The following CDH8 variants were observed in gnomAD, a reference collection of about 807,000 sequenced individuals.
The protein encoded by CDH8 is cadherin 8.
CDH8 carries 17 observed loss-of-function variants against 68.1 expected under a neutral mutation model. The observed-to-expected ratio is 0.25, with a 90% CI of 0.17 to 0.37. CDH8 has a LOEUF of 0.37. Among genes scored for constraint, CDH8 ranks in the 10% least tolerant of loss-of-function variants. The pLI is 1.00. For synonymous variants in CDH8, 372 were observed against 365.1 expected, an observed-to-expected ratio of 1.02 and a Z score of -0.21; for missense variants, 763 against 999.3, an observed-to-expected ratio of 0.76 and a Z score of 3.19.
Position 61,914,192 on chromosome 16 carries a change from T to C in CDH8, c.253-12719A>G, listed in dbSNP as rs147075414. Reference sequence around the variant, plus strand: ...TAACAAATCTGCTGAAACTTTGATCTTGGACTTCTAGCCTCCAGCACCACG... The same window carrying C: ...TAACAAATCTGCTGAAACTTTGATCCTGGACTTCTAGCCTCCAGCACCACG... On this transcript the variant is annotated intron_variant, in intron 2 of 11. Coordinates refer to ENST00000577390, the MANE Select transcript of CDH8 (RefSeq NM_001796.5). Among the ~76,000 whole-genome samples the C allele has an allele frequency of 8.8e-4, 134 of 152,312 alleles. 1 individual carries two copies. The highest frequency in any genetic ancestry group is 3.0e-3 in the African/African-American group (125 of 41,564).
chr16:61,679,139 G>A (rs1244164802), intron 10 of CDH8, among the ~76,000 whole-genome samples: 1 of 151,964 alleles, frequency 6.6e-6, no homozygotes, highest in East Asian at 1.9e-4. Context: ...TTTAATAAAA[G>A]CAATTTCTCG....
chr16:62,006,586 C>A (rs1965979806), intron 2 of CDH8, among the ~76,000 whole-genome samples: 1 of 152,120 alleles, frequency 6.6e-6, no homozygotes, highest in Non-Finnish European at 1.5e-5. Context: ...TTCCTTGGTT[C>A]TATCTATGTA....
At position 61,650,706 on chromosome 16, in the gene CDH8, T is replaced by TGAGAGAGAGAGAGA. The variant is rs71134374; in HGVS notation, c.*2888_*2901dup. On this transcript the variant is annotated 3_prime_UTR_variant, in exon 12 of 12. Coordinates refer to ENST00000577390, the MANE Select transcript of CDH8 (RefSeq NM_001796.5). ...GTGTGTGTGTGTGTGTGTGTGTGTG[T>TGAGAGAGAGAGAGA]GAGAGAGAGAGAGAGAGAGAGAGAG... 7.7e-5 allele frequency: 9 copies of TGAGAGAGAGAGAGA among 116,678 alleles called. No individual in the cohort carries two copies. The highest frequency in any genetic ancestry group is 3.0e-4 in the African/African-American group (9 of 29,864). The allele number at this position is 116,678 out of a possible 1,614,324, so 7.2% of individuals were successfully genotyped here.
chr16:61,797,273 C>T (rs764361019), intron 7 of CDH8, among the ~76,000 whole-genome samples: 3 of 152,056 alleles, frequency 2.0e-5, no homozygotes, highest in Non-Finnish European at 2.9e-5. Context: ...ACATGCAGAA[C>T]ACTTTCAAGA....
intron 7 of CDH8, among the ~76,000 whole-genome samples, chr16:61,807,944 A>C (rs2142998399): frequency 6.6e-6 from 1 of 152,252 alleles, no homozygotes; most frequent in African/African-American, 2.4e-5. Flanking sequence ...CTACTTTCAA[A>C]CCTGTAACAT....
chr16:61,669,650 G>T (rs1053662937), intron 10 of CDH8, among the ~76,000 whole-genome samples: 1 of 152,020 alleles, frequency 6.6e-6, no homozygotes, highest in African/African-American at 2.4e-5. Flanking sequence ...ATCCTCTTGT[G>T]GTGATCCTTG....
At chr16:61,696,897 A>G (rs1057108035) in intron 10 of CDH8, among the ~76,000 whole-genome samples, 1 of 152,258 alleles carries the variant, frequency 6.6e-6, no homozygotes, top group African/African-American at 2.4e-5. Flanking sequence ...AGTGAAGTAC[A>G]CATGGACACA....
intron 3 of CDH8, among the ~76,000 whole-genome samples, chr16:61,858,194 A>G (rs977796197): frequency 6.6e-6 from 1 of 152,138 alleles, no homozygotes; most frequent in Non-Finnish European, 1.5e-5. Flanking sequence ...AGCTGAATGC[A>G]GTAGCACCAA....
At chr16:61,934,143 G>A (rs1964590461) in intron 2 of CDH8, 1 of 152,192 alleles carries the variant, frequency 6.6e-6, no homozygotes, top group Non-Finnish European at 1.5e-5. Context: ...TTCAGTGGAA[G>A]CCAGACATCC....
At chr16:61,739,647 T>C (rs113338251) in intron 8 of CDH8, among the ~76,000 whole-genome samples, 60 of 150,654 alleles carry the variant, frequency 4.0e-4, no homozygotes, top group African/African-American at 1.4e-3. Flanking sequence ...TGAAGAAGTA[T>C]GTATTGTTGA....
At chr16:61,860,875 C>T (rs955623278) in intron 3 of CDH8, among the ~76,000 whole-genome samples, 1 of 152,144 alleles carries the variant, frequency 6.6e-6, no homozygotes, top group Non-Finnish European at 1.5e-5. Context: ...GCACAGGCTT[C>T]GTGCGTTTGG....
At chr16:61,729,728 T>C (rs1176504602) in intron 8 of CDH8, among the ~76,000 whole-genome samples, 1 of 151,420 alleles carries the variant, frequency 6.6e-6, no homozygotes, top group Non-Finnish European at 1.5e-5. Context: ...TCTCGCTAAA[T>C]ATTCAATTAA....
intron 4 of CDH8, among the ~76,000 whole-genome samples, chr16:61,840,584 G>T (rs1239044396): frequency 1.3e-5 from 2 of 152,038 alleles, no homozygotes; most frequent in African/African-American, 4.8e-5. Flanking sequence ...GTAATAAATT[G>T]CTATGGCTAA....
chr16:61,867,350 T>C (rs1373686536), intron 3 of CDH8, among the ~76,000 whole-genome samples: 1 of 152,160 alleles, frequency 6.6e-6, no homozygotes, highest in Non-Finnish European at 1.5e-5. Context: ...GGTTAGAAGA[T>C]TCTTGCTTTC....
At chr16:61,719,700 T>C (rs1349831987) in intron 9 of CDH8, among the ~76,000 whole-genome samples, 2 of 150,978 alleles carry the variant, frequency 1.3e-5, no homozygotes, top group Admixed American at 1.3e-4. Context: ...TATCTCCTGA[T>C]ACCTCCTTAA....
intron 10 of CDH8, among the ~76,000 whole-genome samples, chr16:61,673,263 T>A (rs747780978): frequency 3.9e-5 from 6 of 152,124 alleles, no homozygotes; most frequent in Non-Finnish European, 8.8e-5. Context: ...CCTCTCCTTT[T>A]CTTCCTCACA....
chr16:61,659,454 A>G (rs1963513053), intron 10 of CDH8, among the ~76,000 whole-genome samples: 2 of 152,172 alleles, frequency 1.3e-5, no homozygotes, highest in African/African-American at 2.4e-5. Flanking sequence ...GTGGGACGTC[A>G]GACATTCTCA....
chr16:61,862,871 G>T (rs1042594463), intron 3 of CDH8, among the ~76,000 whole-genome samples: 1 of 152,134 alleles, frequency 6.6e-6, no homozygotes, highest in Admixed American at 6.6e-5. Flanking sequence ...GTAATACCCA[G>T]GAAATATAAC....
At chr16:61,895,668 G>C (rs1963857727) in intron 3 of CDH8, among the ~76,000 whole-genome samples, 1 of 152,078 alleles carries the variant, frequency 6.6e-6, no homozygotes, top group South Asian at 2.1e-4. Context: ...ATATGCTTTT[G>C]AGTAAAATAG....
Sources: allele counts gnomAD v4.1 joint callset (sites outside exome capture counted in the v4.1 genomes callset), GRCh38; gene constraint gnomAD v4.1.1; transcripts MANE v1.5; gene names NCBI Gene and HGNC (gene_info 2026-07-23, HGNC 2026-07-21).